ADGRV1: variants seen among roughly 807,000 people sequenced by gnomAD.
The protein encoded by ADGRV1 is G-protein coupled receptor 98.
A neutral mutation model predicts 596.2 loss-of-function variants in ADGRV1; 359 were observed. The ratio of observed to expected loss-of-function variants is 0.60; its 90% CI spans 0.55 to 0.66. The LOEUF (loss-of-function observed/expected upper bound fraction) is 0.66, where lower values mean the gene tolerates loss of function less well. Among genes scored for constraint, ADGRV1 ranks in the 30% least tolerant of loss-of-function variants. ADGRV1 has a pLI of 0.00. For missense variants in ADGRV1, 7,274 were observed against 7,575.6 expected, an observed-to-expected ratio of 0.96 and a Z score of 1.48; for synonymous variants, 2,681 against 2,679.2, an observed-to-expected ratio of 1.00 and a Z score of -0.02.
intron 1 of ADGRV1, among the ~76,000 whole-genome samples, chr5:90,611,968 T>C (rs1303202505): frequency 6.6e-6 from 1 of 152,028 alleles, no homozygotes; most frequent in Non-Finnish European, 1.5e-5. Context: ...GAATGCCAAC[T>C]TTGCCCGAAC....
At chr5:90,873,716 G>A (rs142660283) in intron 83 of ADGRV1, among the ~76,000 whole-genome samples, 3,531 of 151,870 alleles carry the variant, frequency 0.023, 162 homozygotes, top group African/African-American at 0.082. Flanking sequence ...AATTGCTTGA[G>A]CCCAGGAGTT....
chr5:90,951,106 T>C (rs930631098), intron 83 of ADGRV1, among the ~76,000 whole-genome samples: 6 of 152,226 alleles, frequency 3.9e-5, no homozygotes, highest in African/African-American at 1.2e-4. Flanking sequence ...TTGCTCATTT[T>C]TGCATCTAGA....
chr5:90,916,184 T>A (rs1167729146), intron 83 of ADGRV1, among the ~76,000 whole-genome samples: 1 of 151,862 alleles, frequency 6.6e-6, no homozygotes, highest in Non-Finnish European at 1.5e-5. Flanking sequence ...TTTTCAAGAA[T>A]CCCATCCCAG....
intron 87 of ADGRV1, among the ~76,000 whole-genome samples, chr5:91,126,480 T>G (rs191343916): frequency 6.6e-6 from 1 of 152,300 alleles, no homozygotes; most frequent in Admixed American, 6.5e-5. Context: ...GGTTACATGC[T>G]TTGCCTCAAA....
intron 20 of ADGRV1, 103 bp from the exon 21 acceptor site, chr5:90,657,802 A>G (rs1376780977): frequency 7.9e-7 from 1 of 1,273,452 alleles, no homozygotes; most frequent in African/African-American, 1.5e-5. Context: ...CATTTATCCA[A>G]AAATATCTTT....
intron 86 of ADGRV1, among the ~76,000 whole-genome samples, chr5:91,095,357 A>C (rs951404482): frequency 6.6e-6 from 1 of 151,870 alleles, no homozygotes; most frequent in Admixed American, 6.6e-5. Context: ...GCGCTTCCAC[A>C]CTTGGCTAAT....
Position 90,805,327 on chromosome 5 carries a change from C to T in ADGRV1, c.14705C>T (p.Ala4902Val). The part of the protein sequence containing the change: ...STAFQLMNIT[A>V]GTSHVMISRR... ...GCTTTTCAACTCATGAACATCACTG[C>T]TGGCACAAGCCACGTTATGATTTCT... Residue 4902 changes from alanine to valine, a missense_variant, in exon 72 of 90, where the codon GCT (alanine) becomes GTT (valine). Physicochemically the swap from Ala to Val is moderately conservative, Grantham distance 64. Coordinates refer to ENST00000405460, the MANE Select transcript of ADGRV1 (RefSeq NM_032119.4). 1 of 1,613,034 alleles carries T rather than the reference C, an allele frequency of 6.2e-7. No individual in the cohort carries two copies. The highest frequency in any genetic ancestry group is 1.1e-5 in the South Asian group (1 of 90,960).
rs1237562947 is a variant in ADGRV1, at chr5:90,637,766, T to C, written c.2058T>C (p.Ala686=). ...PLHRDGTDGQ[A]TVYWSLKPSG... is the part of the protein sequence containing the mutation. The stretch of plus-strand genomic sequence containing the variant: ...ATCGGGATGGAACTGATGGCCAGGC[T>C]ACTGTCTACTGGAGTTTGAAGCCCT... Residue 686 remains alanine, a synonymous_variant, in exon 11 of 90, where the codon GCT becomes GCC. Coordinates refer to ENST00000405460, the MANE Select transcript of ADGRV1 (RefSeq NM_032119.4). 1 of 1,613,314 alleles carries C rather than the reference T, an allele frequency of 6.2e-7. No individual in the cohort carries two copies. Among genetic ancestry groups the C allele is most frequent in the Admixed American group, 1.7e-5 (1 of 59,876 alleles).
intron 1 of ADGRV1, among the ~76,000 whole-genome samples, chr5:90,562,614 G>C (rs1397480871): frequency 6.6e-6 from 1 of 152,188 alleles, no homozygotes; most frequent in Non-Finnish European, 1.5e-5. Flanking sequence ...TCACGCGTAA[G>C]TCTGGCTTTA....
At position 90,778,489 on chromosome 5, in the gene ADGRV1, T is replaced by G; in HGVS notation, c.12729T>G (p.Ser4243Arg). The G allele has an allele frequency of 4.3e-6, 7 of 1,613,102 alleles. No homozygotes were observed. The highest frequency in any genetic ancestry group is 5.1e-6 in the Non-Finnish European group (6 of 1,179,506). ...ATGAGTTTCAGCTCACTGCAGTCAGTGAGGGAGGAGTTCTGAGTGAATCCA... is the reference window on the plus strand; with the variant it reads ...ATGAGTTTCAGCTCACTGCAGTCAGGGAGGGAGGAGTTCTGAGTGAATCCA... ...SFYEFQLTAV[S>R]EGGVLSESSS... Residue 4243 changes from serine to arginine, a missense_variant, in exon 63 of 90, where the codon AGT (serine) becomes AGG (arginine). This residue lies in a region of ADGRV1 where 3,643 missense variants were observed against 3,809.2 expected (regional missense o/e 0.96). Coordinates refer to ENST00000405460, the MANE Select transcript of ADGRV1 (RefSeq NM_032119.4).
chr5:91,133,372 C>T (rs1370342440), intron 87 of ADGRV1, among the ~76,000 whole-genome samples: 1 of 152,218 alleles, frequency 6.6e-6, no homozygotes, highest in Non-Finnish European at 1.5e-5. Flanking sequence ...GATGATTCAT[C>T]TGGCACTCTC....
intron 85 of ADGRV1, among the ~76,000 whole-genome samples, chr5:91,060,409 T>A (rs1345609398): frequency 6.7e-6 from 1 of 150,122 alleles, no homozygotes; most frequent in East Asian, 2.0e-4. Flanking sequence ...TTTTTTTTTT[T>A]AATAGAGACG....
chr5:90,932,786 G>T (rs980780986), intron 83 of ADGRV1, among the ~76,000 whole-genome samples: 1 of 145,238 alleles, frequency 6.9e-6, no homozygotes, highest in African/African-American at 2.5e-5. Flanking sequence ...ATATAGGCTT[G>T]TCGTGAGTTG....
At chr5:90,795,508 T>C (rs1025847439) in intron 70 of ADGRV1, among the ~76,000 whole-genome samples, 6 of 152,160 alleles carry the variant, frequency 3.9e-5, no homozygotes, top group Non-Finnish European at 1.5e-5. Flanking sequence ...CAGGGACTTA[T>C]AGAGAAAACC....
At chr5:91,163,736 T>C (rs1305508239) in intron 89 of ADGRV1, 46 bp from the exon 90 acceptor site, 1 of 731,360 alleles carries the variant, frequency 1.4e-6, no homozygotes, top group Admixed American at 2.5e-5. Context: ...AAGAATTCAC[T>C]GCACTAATAG....
chr5:90,974,841 T>C (rs1482624677), intron 84 of ADGRV1, among the ~76,000 whole-genome samples: 4 of 152,234 alleles, frequency 2.6e-5, no homozygotes, highest in Admixed American at 2.6e-4. Context: ...AAAGCCGAAA[T>C]TGACAAATGG....
chr5:90,684,325 A>G, intron 28 of ADGRV1, 130 bp downstream of exon 28: 1 of 842,972 alleles, frequency 1.2e-6, no homozygotes, highest in Non-Finnish European at 1.7e-6. Context: ...TCCTCTTACA[A>G]CAGTTTACCT....
chr5:90,611,139 A>G (rs1314467562), intron 1 of ADGRV1, among the ~76,000 whole-genome samples: 1 of 151,936 alleles, frequency 6.6e-6, no homozygotes, highest in South Asian at 2.1e-4. Flanking sequence ...ATGTACAGGT[A>G]CACAATATAC....
intron 73 of ADGRV1, 144 bp downstream of exon 73, chr5:90,807,881 T>G (rs775105842): frequency 1.1e-4 from 74 of 694,704 alleles, no homozygotes; most frequent in Non-Finnish European, 1.5e-4. Context: ...GTGGCGTGCA[T>G]GCTGGAGAGG....
Sources: gnomAD v4.1 joint callset for allele counts (sites outside exome capture counted in the v4.1 genomes callset) on GRCh38, gnomAD v4.1.1 for gene constraint, gnomAD v4.1.1 regional missense constraint, MANE v1.5 for transcripts, NCBI Gene and HGNC (gene_info 2026-07-23, HGNC 2026-07-21) for gene names.